NCKAP5: variants seen among roughly 807,000 people sequenced by gnomAD.
The protein encoded by NCKAP5 is NCK associated protein 5, also known as nck-associated protein 5.
NCKAP5 carries 92 observed loss-of-function variants against 167.0 expected under a neutral mutation model. That is an observed-to-expected ratio of 0.55 (90% CI 0.47 to 0.66). NCKAP5 has a LOEUF of 0.66. NCKAP5 is among the 30% of genes least tolerant of loss of function. The probability of loss-of-function intolerance (pLI) is 0.00; values close to 1 mark genes in which losing one functional copy is unlikely to be tolerated. For synonymous variants in NCKAP5, 891 were observed against 877.4 expected, an observed-to-expected ratio of 1.02 and a Z score of -0.27; for missense variants, 2,378 against 2,315.0, an observed-to-expected ratio of 1.03 and a Z score of -0.56.
intron 5 of NCKAP5, among the ~76,000 whole-genome samples, chr2:133,168,280 A>ATT (rs35632445): frequency 1.5e-4 from 19 of 125,998 alleles, no homozygotes; most frequent in East Asian, 4.6e-4. Flanking sequence ...AACTGATAAC[A>ATT]TTTTTTTTTT....
At chr2:133,599,195 AG>A in the NCKAP5 span, among the ~76,000 whole-genome samples, 1 of 152,242 alleles carries the variant, frequency 6.6e-6, no homozygotes, top group Non-Finnish European at 1.5e-5. Context: ...CATGTTTTGT[AG>A]GGGACACAAT....
At chr2:133,017,266 C>T (rs2078370711) in intron 6 of NCKAP5, among the ~76,000 whole-genome samples, 1 of 152,212 alleles carries the variant, frequency 6.6e-6, no homozygotes, top group Non-Finnish European at 1.5e-5. Flanking sequence ...ATCCTGTCCA[C>T]CTTCGAGGCA....
At chr2:133,452,735 AAC>A (rs962266052) in intron 3 of NCKAP5, among the ~76,000 whole-genome samples, 3 of 152,128 alleles carry the variant, frequency 2.0e-5, no homozygotes, top group Non-Finnish European at 4.4e-5. Flanking sequence ...TAGACTGTGA[AAC>A]ACACAGAAAA....
chr2:133,004,788 C>G (rs2077903144), intron 6 of NCKAP5, among the ~76,000 whole-genome samples: 1 of 152,184 alleles, frequency 6.6e-6, no homozygotes, highest in Non-Finnish European at 1.5e-5. Context: ...GAGGGCACTG[C>G]AGGAGACCAG....
chr2:132,860,373 G>T, intron 11 of NCKAP5, 119 bp downstream of exon 11: 1 of 1,168,748 alleles, frequency 8.6e-7, no homozygotes, highest in East Asian at 2.6e-5. Flanking sequence ...AGAAAGGAAA[G>T]AATTGGGATT....
At chr2:133,363,414 GC>G (rs1450392320) in intron 3 of NCKAP5, among the ~76,000 whole-genome samples, 1 of 152,104 alleles carries the variant, frequency 6.6e-6, no homozygotes, top group African/African-American at 2.4e-5. Context: ...GGCACACAAA[GC>G]TAAGATATTT....
intron 11 of NCKAP5, among the ~76,000 whole-genome samples, chr2:132,847,681 A>T (rs990385370): frequency 4.7e-5 from 7 of 149,824 alleles, no homozygotes; most frequent in Non-Finnish European, 7.3e-5. Context: ...CTTCAAGGAC[A>T]TATTATCATC....
chr2:133,308,867 C>A (rs1280485818), intron 3 of NCKAP5, among the ~76,000 whole-genome samples: 14 of 149,178 alleles, frequency 9.4e-5, no homozygotes, highest in Non-Finnish European at 1.3e-4. Flanking sequence ...CCCGCCACCG[C>A]GCCCGGCTAA....
chr2:132,979,673 A>G (rs572519849), intron 7 of NCKAP5, among the ~76,000 whole-genome samples: 1 of 152,322 alleles, frequency 6.6e-6, no homozygotes, highest in South Asian at 2.1e-4. Context: ...GAATACCCAT[A>G]GTCCTCTGCT....
At chr2:133,346,243 A>G (rs1444412413) in intron 3 of NCKAP5, among the ~76,000 whole-genome samples, 1 of 152,204 alleles carries the variant, frequency 6.6e-6, no homozygotes, top group Non-Finnish European at 1.5e-5. Flanking sequence ...CAAAGAAGTG[A>G]GCAAAAACAC....
intron 3 of NCKAP5, among the ~76,000 whole-genome samples, chr2:133,304,747 C>G (rs531380106): frequency 1.3e-5 from 2 of 152,356 alleles, no homozygotes; most frequent in African/African-American, 4.8e-5. Context: ...ATGCGAAGAG[C>G]TGTTCTAAGT....
At chr2:132,717,067 A>G (rs576243882) in intron 19 of NCKAP5, among the ~76,000 whole-genome samples, 1 of 152,264 alleles carries the variant, frequency 6.6e-6, no homozygotes, top group Admixed American at 6.5e-5. Context: ...TTGGATGAAT[A>G]GTGACTAAGA....
chr2:133,421,118 A>C (rs927010973), intron 3 of NCKAP5, among the ~76,000 whole-genome samples: 1 of 151,942 alleles, frequency 6.6e-6, no homozygotes, highest in Non-Finnish European at 1.5e-5. Flanking sequence ...GCAGAGCTAG[A>C]CTCGCCTAAA....
At chr2:133,132,331 C>T (rs2082633312) in intron 5 of NCKAP5, among the ~76,000 whole-genome samples, 1 of 151,132 alleles carries the variant, frequency 6.6e-6, no homozygotes. Context: ...AAAACAGCAT[C>T]CCTCCTTCCT....
At chr2:133,005,599 C>T (rs928596460) in intron 6 of NCKAP5, among the ~76,000 whole-genome samples, 1 of 152,126 alleles carries the variant, frequency 6.6e-6, no homozygotes, top group Non-Finnish European at 1.5e-5. Context: ...ATCTGAAGCA[C>T]AAACATTCTC....
At chr2:133,266,917 C>G (rs1212924211) in intron 4 of NCKAP5, among the ~76,000 whole-genome samples, 2 of 152,110 alleles carry the variant, frequency 1.3e-5, no homozygotes, top group Non-Finnish European at 2.9e-5. Flanking sequence ...AGGCTGGGGC[C>G]CATCGATTCC....
Position 133,431,346 on chromosome 2 carries a change from T to C in NCKAP5, c.69+86112A>G, listed in dbSNP as rs1454940962. On this transcript the variant is annotated intron_variant, in intron 3 of 19. Coordinates refer to ENST00000409261, the MANE Select transcript of NCKAP5 (RefSeq NM_207363.3). ...GTCTTCAGATGTGTAACCTACTTCC[T>C]GTACAGAATTAATTACTGTATGTTG... is the stretch of plus-strand genomic sequence containing the variant. Among the ~76,000 whole-genome samples, 3 of 152,334 alleles carry C rather than the reference T, an allele frequency of 2.0e-5. No homozygotes were observed. In the East Asian group the frequency reaches 5.8e-4, roughly 29 times the overall value.
chr2:132,835,187 C>T (rs1215329101), intron 11 of NCKAP5, among the ~76,000 whole-genome samples: 4 of 152,082 alleles, frequency 2.6e-5, no homozygotes, highest in Non-Finnish European at 4.4e-5. Flanking sequence ...TATATCATCC[C>T]TTTGATGTGC....
At chr2:133,657,544 A>G in the NCKAP5 span, among the ~76,000 whole-genome samples, 295 of 152,338 alleles carry the variant, frequency 1.9e-3, 2 homozygotes, top group African/African-American at 6.7e-3. Context: ...AATGGTGGAC[A>G]TCTACTTTCT....
Sources: allele counts gnomAD v4.1 joint callset (sites outside exome capture counted in the v4.1 genomes callset), GRCh38; gene constraint gnomAD v4.1.1; transcripts MANE v1.5; gene names NCBI Gene and HGNC (gene_info 2026-07-23, HGNC 2026-07-21).